The following SEL1L3 variants were observed in gnomAD, a reference collection of about 807,000 sequenced individuals.
SEL1L3 encodes the protein SEL1L family member 3.
In SEL1L3, 76 loss-of-function variants were observed where a neutral mutation model predicts 142.8. That is an observed-to-expected ratio of 0.53 (90% confidence interval 0.44 to 0.64). The LOEUF (loss-of-function observed/expected upper bound fraction) is 0.64. Ranked by LOEUF, SEL1L3 falls within the 30% of genes least tolerant of loss-of-function variation. The pLI, the probability that SEL1L3 is intolerant of heterozygous loss-of-function variation, is 0.00. For missense variants in SEL1L3, 1,262 were observed against 1,381.7 expected (o/e 0.91, Z 1.37); for synonymous variants, 504 against 519.6 (o/e 0.97, Z 0.41).
intron 6 of SEL1L3, among the ~76,000 whole-genome samples, chr4:25,825,940 G>A (rs754988418): frequency 6.6e-6 from 1 of 151,930 alleles, no homozygotes. Flanking sequence ...CCAAAGTGCT[G>A]GGATTACAGG....
chr4:25,826,664 T>C (rs1715114184), intron 6 of SEL1L3, among the ~76,000 whole-genome samples: 3 of 152,052 alleles, frequency 2.0e-5, no homozygotes, highest in Admixed American at 1.3e-4. Flanking sequence ...CTAGCTTTTT[T>C]GGTTTGTTTT....
rs147518707 is a variant in SEL1L3 at position 25,789,767 on chromosome 4, G to A, written c.2076+688C>T. Among the ~76,000 whole-genome samples, 20 of 152,124 alleles carry A rather than the reference G, an allele frequency of 1.3e-4. No homozygotes were observed. The South Asian group carries it at 2.9e-3, about 22-fold the overall frequency. On this transcript the variant is annotated intron_variant, in intron 12 of 23. Coordinates refer to ENST00000399878, the MANE Select transcript of SEL1L3 (RefSeq NM_015187.5). ...AAAACTAAATCCTTCCTATGGGAAG[G>A]AGGCTTCCTCCTGGTGCAATCAGCC...
chr4:25,759,154 AC>A, intron 20 of SEL1L3, 86 bp from the exon 21 acceptor site: 1 of 1,468,780 alleles, frequency 6.8e-7, no homozygotes, highest in East Asian at 2.3e-5. Context: ...AATGTTTACA[AC>A]CTCTAAAATT....
chr4:25,808,404 C>T (rs1245458906), intron 9 of SEL1L3, among the ~76,000 whole-genome samples: 1 of 152,040 alleles, frequency 6.6e-6, no homozygotes, highest in East Asian at 1.9e-4. Context: ...ATAAGGTCAC[C>T]GTTTGTGTGC....
chr4:25,845,759 T>A (rs1350146722), intron 2 of SEL1L3, among the ~76,000 whole-genome samples: 2 of 151,782 alleles, frequency 1.3e-5, no homozygotes, highest in Non-Finnish European at 2.9e-5. Context: ...CCCAAACCCA[T>A]CCTGTTGATG....
the SEL1L3 span, among the ~76,000 whole-genome samples, chr4:25,738,313 T>C: frequency 6.6e-6 from 1 of 152,212 alleles, no homozygotes; most frequent in African/African-American, 2.4e-5. Context: ...TGTTTCTAAT[T>C]GGAAAATCCA....
intron 6 of SEL1L3, among the ~76,000 whole-genome samples, chr4:25,823,174 T>A (rs1242534445): frequency 5.3e-5 from 8 of 152,208 alleles, no homozygotes; most frequent in Non-Finnish European, 1.2e-4. Context: ...ACTGTATTTT[T>A]ACAAAGTTTT....
At position 25,818,238 on chromosome 4, in the gene SEL1L3, A is replaced by T. The variant is rs1490870157; in HGVS notation, c.1464T>A (p.Tyr488Ter). 1 of 1,602,778 alleles carries T rather than the reference A, an allele frequency of 6.2e-7. No individual in the cohort carries two copies. The highest frequency in any genetic ancestry group is 1.3e-5 in the African/African-American group (1 of 74,878). Residue 488 changes from tyrosine to a stop codon, truncating the protein, a stop_gained, in exon 9 of 24, where the codon TAT becomes TAA. Coordinates refer to ENST00000399878, the MANE Select transcript of SEL1L3 (RefSeq NM_015187.5). LOFTEE classifies it high-confidence loss of function. ...AGGCTCTGCACATCGAGGGTCTCCC[A>T]TACCTGCGCTGGAGGTCCAGGTAGG... is the stretch of plus-strand genomic sequence containing the variant. ...HNSYLDLQRR[Y>*]GRPSMCRAFP...
At chr4:25,798,800 C>A (rs2109212412) in intron 11 of SEL1L3, among the ~76,000 whole-genome samples, 1 of 152,090 alleles carries the variant, frequency 6.6e-6, no homozygotes, top group South Asian at 2.1e-4. Flanking sequence ...TGCACTCCAG[C>A]CTGGGTGATA....
At chr4:25,761,250 G>C (rs1301550797) in intron 20 of SEL1L3, among the ~76,000 whole-genome samples, 1 of 152,090 alleles carries the variant, frequency 6.6e-6, no homozygotes, top group East Asian at 1.9e-4. Flanking sequence ...CCGCCTCCTG[G>C]GTTCAAGTGA....
At chr4:25,786,689 C>G (rs1711865044) in intron 13 of SEL1L3, among the ~76,000 whole-genome samples, 1 of 152,206 alleles carries the variant, frequency 6.6e-6, no homozygotes, top group African/African-American at 2.4e-5. Context: ...ATATGCCCCT[C>G]CATCTAGCCC....
At chr4:25,823,783 A>G (rs2109265407) in intron 6 of SEL1L3, among the ~76,000 whole-genome samples, 1 of 152,252 alleles carries the variant, frequency 6.6e-6, no homozygotes, top group Non-Finnish European at 1.5e-5. Context: ...CCGAAGGAGC[A>G]AAGGGCCGGA....
intron 9 of SEL1L3, among the ~76,000 whole-genome samples, chr4:25,806,151 T>G (rs1400536929): frequency 2.6e-5 from 4 of 151,364 alleles, no homozygotes; most frequent in Non-Finnish European, 5.9e-5. Context: ...CCATTCCCCT[T>G]CCTCAGCCTC....
chr4:25,786,444 C>G (rs1711835239), intron 13 of SEL1L3, among the ~76,000 whole-genome samples: 1 of 152,114 alleles, frequency 6.6e-6, no homozygotes, highest in Non-Finnish European at 1.5e-5. Context: ...GAAAGCAAAC[C>G]CAGAGAAGGC....
At chr4:25,806,087 G>A (rs755703038) in intron 9 of SEL1L3, among the ~76,000 whole-genome samples, 18 of 143,392 alleles carry the variant, frequency 1.3e-4, no homozygotes, top group South Asian at 2.2e-4. Context: ...CGCCCAGGCT[G>A]GAGTGCAGTG....
chr4:25,740,779 CTTTTCTT>C, the SEL1L3 span, among the ~76,000 whole-genome samples: 1 of 152,032 alleles, frequency 6.6e-6, no homozygotes. Flanking sequence ...ACATACATTT[CTTTTCTT>C]TTTTCTTTTT....
intron 12 of SEL1L3, among the ~76,000 whole-genome samples, chr4:25,789,054 T>C (rs1348306640): frequency 2.0e-5 from 3 of 152,148 alleles, no homozygotes; most frequent in African/African-American, 7.2e-5. Context: ...AGCTATACAT[T>C]GGAATTCCTT....
At chr4:25,834,170 G>A (rs768785892) in intron 3 of SEL1L3, among the ~76,000 whole-genome samples, 4 of 152,136 alleles carry the variant, frequency 2.6e-5, no homozygotes, top group Non-Finnish European at 4.4e-5. Context: ...CCCATTCCTG[G>A]ACTGGGGCTA....
At chr4:25,822,176 T>G in intron 6 of SEL1L3, 48 bp from the exon 7 acceptor site, 1 of 1,609,808 alleles carries the variant, frequency 6.2e-7, no homozygotes, top group African/African-American at 1.3e-5. Flanking sequence ...CGGAACTAGA[T>G]GATTTAAAAA....
Sources: gnomAD v4.1 joint callset for allele counts (sites outside exome capture counted in the v4.1 genomes callset) on GRCh38, gnomAD v4.1.1 for gene constraint, MANE v1.5 for transcripts, NCBI Gene and HGNC (gene_info 2026-07-23, HGNC 2026-07-21) for gene names.